SAMD12: variants seen among roughly 807,000 people sequenced by gnomAD.
SAMD12 encodes sterile alpha motif domain-containing protein 12.
Under a neutral mutation model 15.0 loss-of-function variants are expected in SAMD12, and 9 were observed. That is an observed-to-expected ratio of 0.60 (90% CI 0.36 to 1.05). The LOEUF (loss-of-function observed/expected upper bound fraction) is 1.05. Among genes scored for constraint, SAMD12 ranks in the 50% least tolerant of loss-of-function variants. The pLI, the probability that SAMD12 is intolerant of heterozygous loss-of-function variation, is 0.01. For missense variants in SAMD12, 230 were observed against 234.2 expected, an observed-to-expected ratio of 0.98 and a Z score of 0.12; for synonymous variants, 86 against 90.1, an observed-to-expected ratio of 0.96 and a Z score of 0.25.
intron 2 of SAMD12, among the ~76,000 whole-genome samples, chr8:118,525,901 G>A (rs1040035979): frequency 6.6e-6 from 1 of 152,162 alleles, no homozygotes; most frequent in Non-Finnish European, 1.5e-5. Flanking sequence ...GACAGAGCTG[G>A]TGCACATCTG....
At chr8:118,263,109 T>C (rs1813117567) in intron 4 of SAMD12, among the ~76,000 whole-genome samples, 1 of 152,174 alleles carries the variant, frequency 6.6e-6, no homozygotes, top group Admixed American at 6.5e-5. Context: ...TCATTCCCTC[T>C]CCAGCTATAT....
At chr8:118,288,301 C>G (rs2070104842) in intron 4 of SAMD12, 1 of 152,092 alleles carries the variant, frequency 6.6e-6, no homozygotes, top group South Asian at 2.1e-4. Flanking sequence ...TCTAGTGGAG[C>G]TGGGGCCAAA....
intron 3 of SAMD12, among the ~76,000 whole-genome samples, chr8:118,431,717 T>TGCGTGTGTGTGTGTGC (rs71307457): frequency 6.6e-6 from 1 of 150,392 alleles, no homozygotes; most frequent in Non-Finnish European, 1.5e-5. Flanking sequence ...TGTGTGTGTG[T>TGCGTGTGTGTGTGTGC]GTGTGTGTGT....
At chr8:118,319,260 GAACA>G (rs898340720) in intron 4 of SAMD12, among the ~76,000 whole-genome samples, 1 of 152,030 alleles carries the variant, frequency 6.6e-6, no homozygotes, top group Non-Finnish European at 1.5e-5. Context: ...AACCATCAAA[GAACA>G]AACAGTTGCC....
intron 4 of SAMD12, among the ~76,000 whole-genome samples, chr8:118,335,293 C>T (rs542612062): frequency 3.3e-5 from 5 of 152,290 alleles, no homozygotes; most frequent in Admixed American, 3.3e-4. Flanking sequence ...GATTTTCCCT[C>T]CTCTGCCATT....
At chr8:118,262,415 T>C (rs1813101226) in intron 4 of SAMD12, among the ~76,000 whole-genome samples, 1 of 152,086 alleles carries the variant, frequency 6.6e-6, no homozygotes, top group Non-Finnish European at 1.5e-5. Flanking sequence ...AACTTCCCCA[T>C]AAGAGAAAGA....
chr8:118,503,114 G>T (rs1317579778), intron 2 of SAMD12, among the ~76,000 whole-genome samples: 1 of 152,084 alleles, frequency 6.6e-6, no homozygotes, highest in Non-Finnish European at 1.5e-5. Flanking sequence ...AGAGCTTGGT[G>T]GCTTTTAATG....
chr8:118,374,069 T>C (rs1222556710), downstream of SAMD12, among the ~76,000 whole-genome samples: 1 of 152,106 alleles, frequency 6.6e-6, no homozygotes, highest in Non-Finnish European at 1.5e-5. Flanking sequence ...TCATATTAAG[T>C]ATATCTAAGT....
intron 2 of SAMD12, among the ~76,000 whole-genome samples, chr8:118,481,850 G>C: frequency 6.6e-6 from 1 of 152,162 alleles, no homozygotes; most frequent in East Asian, 1.9e-4. Context: ...AGCTTCCATA[G>C]AGGAAGTGAG....
intron 4 of SAMD12, among the ~76,000 whole-genome samples, chr8:118,310,354 A>G (rs75300966): frequency 8.0e-4 from 122 of 152,310 alleles, no homozygotes; most frequent in African/African-American, 2.8e-3. Flanking sequence ...GCCTTATTGT[A>G]CTGAAGAGGC....
chr8:118,558,767 C>T (rs1833042344), intron 2 of SAMD12, among the ~76,000 whole-genome samples: 1 of 152,086 alleles, frequency 6.6e-6, no homozygotes, highest in Admixed American at 6.5e-5. Context: ...CTGTGTTAGC[C>T]AGGATGATCT....
intron 4 of SAMD12, among the ~76,000 whole-genome samples, chr8:118,293,459 G>A (rs1814528406): frequency 6.6e-6 from 1 of 152,126 alleles, no homozygotes; most frequent in African/African-American, 2.4e-5. Context: ...ACCAATATTT[G>A]CTAATGAAAA....
intron 4 of SAMD12, among the ~76,000 whole-genome samples, chr8:118,294,415 G>C (rs762280820): frequency 5.9e-5 from 9 of 152,214 alleles, no homozygotes; most frequent in Non-Finnish European, 7.3e-5. Flanking sequence ...TGTTTCACCA[G>C]AGGAAGAAGA....
intron 4 of SAMD12, among the ~76,000 whole-genome samples, chr8:118,303,204 C>G (rs1586476901): frequency 6.6e-6 from 1 of 152,184 alleles, no homozygotes; most frequent in Non-Finnish European, 1.5e-5. Context: ...GAGCATGCAA[C>G]ACATTCTACA....
intron 2 of SAMD12, among the ~76,000 whole-genome samples, chr8:118,515,164 G>A (rs1223324092): frequency 9.0e-5 from 13 of 145,244 alleles, no homozygotes; most frequent in Admixed American, 7.0e-4. Context: ...GACTATAGGC[G>A]CCCGCCACCA....
At chr8:118,484,303 C>T (rs1261641378) in intron 2 of SAMD12, among the ~76,000 whole-genome samples, 4 of 152,178 alleles carry the variant, frequency 2.6e-5, no homozygotes, top group African/African-American at 7.2e-5. Flanking sequence ...CAAAATATCA[C>T]TGTGCCCATG....
intron 2 of SAMD12, among the ~76,000 whole-genome samples, chr8:118,550,677 A>G (rs867765717): frequency 2.0e-5 from 3 of 151,980 alleles, no homozygotes; most frequent in South Asian, 4.2e-4. Context: ...CACACATAAC[A>G]ATATTAACTT....
chr8:118,195,222 T>C (rs1331724128), exon 5 of SAMD12: 1 of 152,266 alleles, frequency 6.6e-6, no homozygotes, highest in Non-Finnish European at 1.5e-5. Flanking sequence ...ACATTTGCAC[T>C]ACAAAGCATG....
intron 3 of SAMD12, among the ~76,000 whole-genome samples, chr8:118,411,546 T>G (rs1162084433): frequency 6.6e-6 from 1 of 152,174 alleles, no homozygotes; most frequent in Non-Finnish European, 1.5e-5. Flanking sequence ...GTTTTAAAAG[T>G]AGGGCTTTGA....
Sources: gnomAD v4.1 joint callset for allele counts (sites outside exome capture counted in the v4.1 genomes callset) on GRCh38, gnomAD v4.1.1 for gene constraint, MANE v1.5 for transcripts, NCBI Gene and HGNC (gene_info 2026-07-23, HGNC 2026-07-21) for gene names.